Variants in SLK observed in about 807,000 individuals in gnomAD.
SLK encodes the protein STE20-like serine/threonine-protein kinase.
Under a neutral mutation model 147.7 loss-of-function variants are expected in SLK, and 67 were observed. The ratio of observed to expected loss-of-function variants is 0.45; its 90% CI spans 0.37 to 0.56. The LOEUF is 0.56. Ranked by LOEUF, SLK falls within the 20% of genes least tolerant of loss-of-function variation. The probability of loss-of-function intolerance (pLI) is 0.00; values close to 1 mark genes in which losing one functional copy is unlikely to be tolerated. For synonymous variants in SLK, 441 were observed against 475.0 expected (o/e 0.93, Z 0.93); for missense variants, 1,136 against 1,438.8 (o/e 0.79, Z 3.41).
Position 104,028,658 on chromosome 10 carries a change from T to A in SLK, c.*2938T>A, listed in dbSNP as rs1212325413. ...ATGAGACCCACCTTAATGAAGGGTC[T>A]CTGATTTCTTGAGCATCAGCGAGTT... is the stretch of plus-strand genomic sequence containing the variant. On this transcript the variant is annotated 3_prime_UTR_variant, in exon 19 of 19. Transcript: ENST00000369755. The A allele has an allele frequency of 6.6e-6, 1 of 152,188 alleles. No homozygotes were observed. The highest frequency in any genetic ancestry group is 1.5e-5 in the Non-Finnish European group (1 of 68,044). 9.4% of individuals were successfully genotyped at this position (152,188 alleles called of 1,614,324 possible).
At chr10:103,979,198 G>T (rs1231498869) in intron 1 of SLK, among the ~76,000 whole-genome samples, 1 of 152,112 alleles carries the variant, frequency 6.6e-6, no homozygotes, top group East Asian at 1.9e-4. Flanking sequence ...GTATTTTTTA[G>T]TAGAGATGGG....
chr10:103,977,055 A>T (rs1843881877), intron 1 of SLK, among the ~76,000 whole-genome samples: 1 of 152,114 alleles, frequency 6.6e-6, no homozygotes, highest in South Asian at 2.1e-4. Flanking sequence ...CAAAATCAGC[A>T]CCACTGGTTG....
chr10:103,986,735 A>G (rs1298246236), intron 1 of SLK, among the ~76,000 whole-genome samples: 2 of 144,496 alleles, frequency 1.4e-5, no homozygotes, highest in Admixed American at 1.4e-4. Context: ...CTGGAGTGCA[A>G]TGGCACGATC....
At position 104,020,690 on chromosome 10, in the gene SLK, A is replaced by G. The variant is rs1844523142; in HGVS notation, c.3447+77A>G. 33 of 1,488,336 alleles carry G rather than the reference A, an allele frequency of 2.2e-5. 1 individual carries two copies. The South Asian group carries it at 4.1e-4, about 19-fold the overall frequency. 92.2% of individuals were successfully genotyped at this position (1,488,336 alleles called of 1,614,324 possible). A position where few individuals can be genotyped will look rare whatever the true frequency, so the allele number is the denominator to read the frequency against. Reference sequence around the variant, plus strand: ...GGCTGCTTTTGAGAGAACAGTAGCTAGCCAAAGTCAACTGCATCATACACG... The same window carrying G: ...GGCTGCTTTTGAGAGAACAGTAGCTGGCCAAAGTCAACTGCATCATACACG... On this transcript the variant is annotated intron_variant, in intron 17 of 18. Coordinates refer to ENST00000369755, the MANE Select transcript of SLK (RefSeq NM_014720.4).
chr10:103,967,956 G>A lies in SLK; in HGVS notation c.150+61G>A, dbSNP rs1001066211. 1.9e-6 allele frequency: 3 copies of A among 1,562,392 alleles called. No homozygotes were observed. In the Admixed American group the frequency reaches 5.1e-5, roughly 27 times the overall value. On this transcript the variant is annotated intron_variant, in intron 1 of 18. Transcript: ENST00000369755. ...GTAAAACAGCCACTGGCCTGGAGTG[G>A]CGGGAGGACTTCTGCTCCCCTGGTC...
intron 1 of SLK, among the ~76,000 whole-genome samples, chr10:103,980,341 T>C (rs1843925214): frequency 6.6e-6 from 1 of 152,170 alleles, no homozygotes; most frequent in Non-Finnish European, 1.5e-5. Context: ...ATTTTTTATA[T>C]CCTGTGAAGA....
chr10:103,988,925 A>C (rs1291599688), intron 1 of SLK, among the ~76,000 whole-genome samples: 4 of 152,218 alleles, frequency 2.6e-5, no homozygotes, highest in African/African-American at 9.6e-5. Context: ...AATAAGTGGC[A>C]AAACCAGAAT....
At chr10:104,016,720 G>C (rs570900391) in intron 13 of SLK, among the ~76,000 whole-genome samples, 1 of 152,296 alleles carries the variant, frequency 6.6e-6, no homozygotes, top group South Asian at 2.1e-4. Flanking sequence ...GTCACCTCCA[G>C]AGATTCAGGA....
chr10:103,991,712 T>C (rs1447874359), intron 2 of SLK, among the ~76,000 whole-genome samples: 1 of 151,852 alleles, frequency 6.6e-6, no homozygotes, highest in Non-Finnish European at 1.5e-5. Flanking sequence ...GGCAAGCACT[T>C]GTAAAAAAAA....
chr10:103,997,497 C>T (rs1844190329), intron 4 of SLK, among the ~76,000 whole-genome samples: 1 of 152,108 alleles, frequency 6.6e-6, no homozygotes, highest in South Asian at 2.1e-4. Flanking sequence ...TGAGGGACCA[C>T]CATGCTGTTC....
Position 104,025,818 on chromosome 10 carries a change from A to C in SLK, c.*98A>C, listed in dbSNP as rs1589550349. 1.0e-6 allele frequency: 1 copy of C among 981,684 alleles called. No individual in the cohort carries two copies. The allele number at this position is 981,684 out of a possible 1,614,324, so 60.8% of individuals were successfully genotyped here. A position where few individuals can be genotyped will look rare whatever the true frequency, so the allele number is the denominator to read the frequency against. On this transcript the variant is annotated 3_prime_UTR_variant, in exon 19 of 19. Coordinates refer to ENST00000369755, the MANE Select transcript of SLK (RefSeq NM_014720.4). ...TCTCAGATAGCTCATGAAGACAATC[A>C]CCTGCCTCACCTTCTAGGTGTTTTC...
chr10:103,978,129 T>C (rs1040491215), intron 1 of SLK, among the ~76,000 whole-genome samples: 1 of 152,192 alleles, frequency 6.6e-6, no homozygotes, highest in Non-Finnish European at 1.5e-5. Flanking sequence ...TAATTCGACA[T>C]TGGAAATGTT....
intron 12 of SLK, among the ~76,000 whole-genome samples, chr10:104,009,087 TATTA>T (rs1377383758): frequency 1.3e-5 from 2 of 151,982 alleles, no homozygotes; most frequent in Non-Finnish European, 2.9e-5. Context: ...AAGATTTACT[TATTA>T]TATTAGCATC....
chr10:103,967,703 T>C lies in SLK; in HGVS notation c.-43T>C, dbSNP rs773650254. 6.3e-7 allele frequency: 1 copy of C among 1,592,108 alleles called. No individual in the cohort carries two copies. The highest frequency in any genetic ancestry group is 1.1e-5 in the South Asian group (1 of 89,370). On this transcript the variant is annotated 5_prime_UTR_variant, in exon 1 of 19. Coordinates refer to ENST00000369755, the MANE Select transcript of SLK (RefSeq NM_014720.4). ...GGAAGAGAAACTTTGCCTTTTATTGTTTTTAGTCCTTAAGTGCAAGGAACT... is the reference window on the plus strand; with the variant it reads ...GGAAGAGAAACTTTGCCTTTTATTGCTTTTAGTCCTTAAGTGCAAGGAACT...
chr10:104,021,610 T>G lies in SLK; in HGVS notation c.3448-10T>G, dbSNP rs200870880. 2.4e-5 allele frequency: 37 copies of G among 1,545,360 alleles called. No homozygotes were observed. Among genetic ancestry groups the G allele is most frequent in the Non-Finnish European group, 3.1e-5 (35 of 1,135,876 alleles). ...TCTGAAATTTTTTTAAATCCCAACT[T>G]TATTTTCAGAATGAAAAATGCCACT... On this transcript the variant is annotated splice_polypyrimidine_tract_variant and intron_variant, in intron 17 of 18. Coordinates refer to ENST00000369755, the MANE Select transcript of SLK (RefSeq NM_014720.4).
intron 7 of SLK, 63 bp downstream of exon 7, chr10:104,000,011 A>T (rs2134491808): frequency 1.4e-6 from 1 of 730,270 alleles, no homozygotes; most frequent in African/African-American, 1.8e-5. Flanking sequence ...GTAATTTCAT[A>T]TTCAGTGTGC....
At chr10:104,015,013 C>A (rs1334229665) in intron 13 of SLK, among the ~76,000 whole-genome samples, 2 of 151,472 alleles carry the variant, frequency 1.3e-5, no homozygotes, top group African/African-American at 4.9e-5. Flanking sequence ...TTGTATTTGG[C>A]TTTTGAAGTT....
At chr10:104,016,273 C>T (rs539026659) in intron 13 of SLK, among the ~76,000 whole-genome samples, 5 of 151,184 alleles carry the variant, frequency 3.3e-5, no homozygotes, top group Non-Finnish European at 4.4e-5. Context: ...GAGCCGAGAC[C>T]GTGCCACTGC....
At chr10:104,012,605 C>T (rs554432962) in intron 13 of SLK, among the ~76,000 whole-genome samples, 5 of 152,262 alleles carry the variant, frequency 3.3e-5, no homozygotes, top group Admixed American at 3.3e-4. Flanking sequence ...AGTGACCCTC[C>T]CAAGGTCACA....
Sources: gnomAD v4.1 joint callset for allele counts (sites outside exome capture counted in the v4.1 genomes callset) on GRCh38, gnomAD v4.1.1 for gene constraint, MANE v1.5 for transcripts, NCBI Gene and HGNC (gene_info 2026-07-23, HGNC 2026-07-21) for gene names.